Variants in NPHP4 observed in about 807,000 individuals in gnomAD.
The protein encoded by NPHP4 is nephrocystin-4.
NPHP4 carries 151 observed loss-of-function variants against 155.8 expected under a neutral mutation model. The observed-to-expected ratio is 0.97, with a 90% CI of 0.85 to 1.11. The LOEUF (loss-of-function observed/expected upper bound fraction) is 1.11. Among genes scored for constraint, NPHP4 ranks in the 50% least tolerant of loss-of-function variants. The probability of loss-of-function intolerance (pLI) is 0.00; values close to 1 mark genes in which losing one functional copy is unlikely to be tolerated. For missense variants in NPHP4, 1,956 were observed against 1,925.7 expected (o/e 1.02, Z -0.29); for synonymous variants, 845 against 816.8 (o/e 1.03, Z -0.59).
At chr1:5,927,924 T>A in intron 10 of NPHP4, 137 bp from the exon 11 acceptor site, 2 of 903,518 alleles carry the variant, frequency 2.2e-6, no homozygotes, top group Non-Finnish European at 3.3e-6. Flanking sequence ...CCACATGTTC[T>A]CAGATTATAA....
At position 5,912,817 on chromosome 1, in the gene NPHP4, C is replaced by T. The variant is rs192658807; in HGVS notation, c.1442-3604G>A. Among the ~76,000 whole-genome samples the T allele has an allele frequency of 1.2e-4, 18 of 152,284 alleles. No individual in the cohort carries two copies. The East Asian group carries it at 2.9e-3, about 25-fold the overall frequency. On this transcript the variant is annotated intron_variant, in intron 11 of 29. Transcript: ENST00000378156. The stretch of plus-strand genomic sequence containing the variant: ...CAAGCAGCATGACCAGGTGCCTCTC[C>T]CAACACGGAGCCCCTCCGTTCTCAC...
In NPHP4 at chr1:5,905,741, C is replaced by A; in HGVS notation, c.1654G>T (p.Asp552Tyr). 2 of 1,612,652 alleles carry A rather than the reference C, an allele frequency of 1.2e-6. No homozygotes were observed. Among genetic ancestry groups the A allele is most frequent in the Non-Finnish European group, 8.5e-7 (1 of 1,179,324 alleles). ...AGGACCAGGGAGGTCTGGCTCAGGT[C>A]GGCTTCCAGGTGGGAGATACCGGCC... ...LEAGISHLEADLSQTSLVLET... is the reference protein window; with the variant it reads ...LEAGISHLEAYLSQTSLVLET... Residue 552 changes from aspartate to tyrosine, a missense_variant, in exon 14 of 30, where the codon GAC becomes TAC. Physicochemically the swap from Asp to Tyr is radical, Grantham distance 160. Coordinates refer to ENST00000378156, the MANE Select transcript of NPHP4 (RefSeq NM_015102.5). This position sits in a 1 kb window ranked among gnomAD's most constrained non-coding sequence, Gnocchi z 4.0.
rs1570135019 is a variant in NPHP4, at chr1:5,874,539, G to A, written c.3163C>T (p.Pro1055Ser). 3 of 1,599,166 alleles carry A rather than the reference G, an allele frequency of 1.9e-6. No homozygotes were observed. In the South Asian group the frequency reaches 3.4e-5, roughly 18 times the overall value. ...AAGGGGACGTGGGCGGTCTCGTGGG[G>A]GCGCAGGTAGAGCTGGGGGGCCAGG... ...GSLAPQLYLR[P>S]HETAHVPFKF... The change falls in exon 22 of 30, where the codon CCC (proline) becomes TCC (serine). Residue 1055 changes from proline (P) to serine (S), a missense_variant. Pro to Ser is a moderately conservative substitution (Grantham distance 74). Coordinates refer to ENST00000378156, the MANE Select transcript of NPHP4 (RefSeq NM_015102.5).
intron 25 of NPHP4, 54 bp downstream of exon 25, chr1:5,866,976 G>C (rs1641297972): frequency 2.2e-6 from 3 of 1,380,284 alleles, no homozygotes; most frequent in Non-Finnish European, 2.0e-6. Context: ...AGCCGACAGG[G>C]GCGCAGACTC....
Position 5,890,802 on chromosome 1 carries a change from G to A in NPHP4, c.2304+66C>T. The A allele has an allele frequency of 1.3e-6, 2 of 1,502,464 alleles. No homozygotes were observed. Among genetic ancestry groups the A allele is most frequent in the Non-Finnish European group, 1.8e-6 (2 of 1,096,726 alleles). 93.1% of individuals were successfully genotyped at this position (1,502,464 alleles called of 1,614,324 possible). A position where few individuals can be genotyped will look rare whatever the true frequency, so the allele number is the denominator to read the frequency against. On this transcript the variant is annotated intron_variant, in intron 17 of 29. Coordinates refer to ENST00000378156, the MANE Select transcript of NPHP4 (RefSeq NM_015102.5). This position sits in a 1 kb window ranked among gnomAD's most constrained non-coding sequence, Gnocchi z 4.9. The stretch of plus-strand genomic sequence containing the variant: ...CGCTCCTTCCAAGCAGACAGACGCT[G>A]GAAGCGTGACTCGTCCCATGAGGGA...
intron 20 of NPHP4, among the ~76,000 whole-genome samples, chr1:5,875,338 A>G (rs1040898964): frequency 2.2e-4 from 33 of 149,732 alleles, no homozygotes; most frequent in African/African-American, 7.7e-4. Context: ...ACGGAGGTCC[A>G]CACAGCATCC....
intron 5 of NPHP4, among the ~76,000 whole-genome samples, chr1:5,964,941 A>ATATATATATTTTTT: frequency 3.4e-5 from 2 of 59,428 alleles, no homozygotes; most frequent in African/African-American, 1.7e-4. Flanking sequence ...ATATATATAT[A>ATATATATATTTTTT]TTTTTTTTTT....
intron 9 of NPHP4, among the ~76,000 whole-genome samples, chr1:5,942,588 A>C (rs1254355640): frequency 1.4e-3 from 30 of 21,732 alleles, no homozygotes; most frequent in Admixed American, 4.8e-3. Flanking sequence ...CATAAATGAC[A>C]AAAAAAAAAA....
intron 3 of NPHP4, among the ~76,000 whole-genome samples, chr1:5,977,134 C>T (rs1166345140): frequency 6.6e-6 from 1 of 152,136 alleles, no homozygotes. Context: ...TCCCCCCACT[C>T]GAGTTCAGCT....
chr1:5,901,515 A>T lies in NPHP4; in HGVS notation c.2143+3102T>A, dbSNP rs186256866. On this transcript the variant is annotated intron_variant, in intron 16 of 29. Coordinates refer to ENST00000378156, the MANE Select transcript of NPHP4 (RefSeq NM_015102.5). ...ATTTTAATTCATAATGACAAGAAAA[A>T]TTTGATTTTGGAGTTTCATTTCTTT... Among the ~76,000 whole-genome samples, 126 of 152,350 alleles carry T rather than the reference A, an allele frequency of 8.3e-4. 2 individuals carry two copies. The highest frequency in any genetic ancestry group is 2.9e-3 in the African/African-American group (122 of 41,580).
At position 5,986,343 on chromosome 1, in the gene NPHP4, T is replaced by C. The variant is rs1229516535; in HGVS notation, c.-38-16A>G. On this transcript the variant is annotated splice_polypyrimidine_tract_variant and intron_variant, in intron 1 of 29. Coordinates refer to ENST00000378156, the MANE Select transcript of NPHP4 (RefSeq NM_015102.5). ...CCCGGATGATCTGTGCCAGTCGTAT[T>C]CAAATAAAGAGAAGAGCTGTGAGGG... 1.3e-6 allele frequency: 2 copies of C among 1,599,350 alleles called. No individual in the cohort carries two copies. The highest frequency in any genetic ancestry group is 3.4e-5 in the Admixed American group (2 of 58,744).
At chr1:5,925,772 C>T (rs530155907) in intron 11 of NPHP4, among the ~76,000 whole-genome samples, 2 of 152,242 alleles carry the variant, frequency 1.3e-5, no homozygotes, top group East Asian at 1.9e-4. Context: ...CCCGCCACCA[C>T]ATCCAGCTAA....
At chr1:5,898,156 T>C (rs566200550) in intron 16 of NPHP4, among the ~76,000 whole-genome samples, 1 of 152,218 alleles carries the variant, frequency 6.6e-6, no homozygotes, top group East Asian at 1.9e-4. Context: ...TGATCCAAAA[T>C]TCAATTACTT....
chr1:5,967,448 C>G, intron 4 of NPHP4, 85 bp from the exon 5 acceptor site: 1 of 1,023,928 alleles, frequency 9.8e-7, no homozygotes. Flanking sequence ...GCCACCACCA[C>G]GCCCACTAGA....
intron 5 of NPHP4, among the ~76,000 whole-genome samples, chr1:5,963,532 CT>C: frequency 6.6e-6 from 1 of 152,264 alleles, no homozygotes; most frequent in Non-Finnish European, 1.5e-5. Context: ...GTCACAACCT[CT>C]CTGGGGGCGG....
chr1:5,947,184 C>A lies in NPHP4; in HGVS notation c.1039G>T (p.Glu347Ter). Residue 347 changes from glutamate (E) to a stop codon, truncating the protein, a stop_gained, in exon 9 of 30, where the codon GAG becomes TAG. Transcript: ENST00000378156. LOFTEE classifies it high-confidence loss of function. ...LVLRSRLRLP[E>*]MVGHPAFAVI... ...GCAAATGCAGGGTGGCCGACCATCT[C>A]TGGGAGGCGGAGGCGGCTTCTCAAA... 6.2e-7 allele frequency: 1 copy of A among 1,613,932 alleles called. No homozygotes were observed. Among genetic ancestry groups the A allele is most frequent in the South Asian group, 1.1e-5 (1 of 91,080 alleles).
intron 16 of NPHP4, among the ~76,000 whole-genome samples, chr1:5,901,601 C>G (rs374173869): frequency 1.3e-5 from 2 of 152,220 alleles, no homozygotes; most frequent in East Asian, 1.9e-4. Context: ...GGAAATTCAT[C>G]ATGGAAAGGG....
chr1:5,951,547 G>A (rs1001729427), intron 7 of NPHP4, among the ~76,000 whole-genome samples: 24 of 152,118 alleles, frequency 1.6e-4, no homozygotes, highest in African/African-American at 5.3e-4. Context: ...CAGCAAAGGC[G>A]CAGGCAAGGG....
chr1:5,906,334 G>C (rs1644912971), intron 13 of NPHP4, among the ~76,000 whole-genome samples: 1 of 152,228 alleles, frequency 6.6e-6, no homozygotes, highest in African/African-American at 2.4e-5. Context: ...GCCGAGGCAG[G>C]CCTCTCAGAG....
Sources: gnomAD v4.1 joint callset for allele counts (sites outside exome capture counted in the v4.1 genomes callset) on GRCh38, gnomAD v4.1.1 for gene constraint, Gnocchi (gnomAD v3.1) non-coding constraint, MANE v1.5 for transcripts, NCBI Gene and HGNC (gene_info 2026-07-23, HGNC 2026-07-21) for gene names.